The following CD1B variants were observed in gnomAD, a reference collection of about 807,000 sequenced individuals.
CD1B encodes T-cell surface glycoprotein CD1b.
A neutral mutation model predicts 39.8 loss-of-function variants in CD1B; 43 were observed. The ratio of observed to expected loss-of-function variants is 1.08; its 90% CI spans 0.85 to 1.39. CD1B has a LOEUF of 1.39. Ranked by LOEUF, CD1B falls within the 40% of genes most tolerant of loss-of-function variation. CD1B has a pLI of 0.00. For missense variants in CD1B, 495 were observed against 403.8 expected (o/e 1.23, Z -1.94); for synonymous variants, 192 against 152.5 (o/e 1.26, Z -1.91).
chr1:158,312,666 G>C, the CD1B span, among the ~76,000 whole-genome samples: 1 of 152,050 alleles, frequency 6.6e-6, no homozygotes, highest in Non-Finnish European at 1.5e-5. Flanking sequence ...TTTGATGTTG[G>C]TGAAGGAAAT....
At chr1:158,315,419 A>G in the CD1B span, among the ~76,000 whole-genome samples, 6 of 151,602 alleles carry the variant, frequency 4.0e-5, no homozygotes, top group Non-Finnish European at 7.4e-5. Flanking sequence ...GATGATGAGC[A>G]TTTTTTAATG....
chr1:158,315,540 G>T, the CD1B span, among the ~76,000 whole-genome samples: 1 of 151,680 alleles, frequency 6.6e-6, no homozygotes, highest in Non-Finnish European at 1.5e-5. Context: ...TGAGTTCATT[G>T]TAGATTCTCG....
the CD1B span, among the ~76,000 whole-genome samples, chr1:158,306,257 A>G: frequency 6.7e-6 from 1 of 148,492 alleles, no homozygotes; most frequent in Non-Finnish European, 1.5e-5. Context: ...AATGGAAAAC[A>G]AAAAAAGGCA....
chr1:158,318,061 C>A, the CD1B span, among the ~76,000 whole-genome samples: 1 of 152,122 alleles, frequency 6.6e-6, no homozygotes, highest in Non-Finnish European at 1.5e-5. Context: ...TTTACATTTG[C>A]TGAGGAGAGC....
chr1:158,331,146 G>A, intron 1 of CD1B, 84 bp from the exon 2 acceptor site: 1 of 1,391,922 alleles, frequency 7.2e-7, no homozygotes, highest in East Asian at 2.3e-5. Flanking sequence ...AAATGATTTA[G>A]AAAACAAGAA....
At chr1:158,290,545 C>G in the CD1B span, among the ~76,000 whole-genome samples, 1 of 152,116 alleles carries the variant, frequency 6.6e-6, no homozygotes, top group South Asian at 2.1e-4. Context: ...CAGCTAAAAT[C>G]CTAAGGGAAG....
chr1:158,306,130 T>C, the CD1B span, among the ~76,000 whole-genome samples: 17 of 152,168 alleles, frequency 1.1e-4, no homozygotes, highest in Middle Eastern at 3.4e-3. Flanking sequence ...AAAAGACACA[T>C]ACTGGCAAAT....
At chr1:158,319,871 C>T in the CD1B span, among the ~76,000 whole-genome samples, 1 of 152,124 alleles carries the variant, frequency 6.6e-6, no homozygotes, top group South Asian at 2.1e-4. Flanking sequence ...TGTTAGTTTT[C>T]CTTCTAACAG....
downstream of CD1B, among the ~76,000 whole-genome samples, chr1:158,324,194 G>A (rs1652275156): frequency 6.6e-6 from 1 of 152,194 alleles, no homozygotes; most frequent in South Asian, 2.1e-4. Flanking sequence ...AAATTGGAGT[G>A]TAGCCAAGCC....
the CD1B span, among the ~76,000 whole-genome samples, chr1:158,319,225 G>A: frequency 4.4e-4 from 66 of 151,270 alleles, no homozygotes; most frequent in Non-Finnish European, 7.1e-4. Context: ...TGCTAGATTG[G>A]GGAAGTTCTC....
the CD1B span, among the ~76,000 whole-genome samples, chr1:158,319,646 G>A: frequency 1.3e-5 from 2 of 152,300 alleles, no homozygotes; most frequent in East Asian, 3.9e-4. Flanking sequence ...ATCGTCTGAA[G>A]CCTTCTTCTC....
downstream of CD1B, among the ~76,000 whole-genome samples, chr1:158,326,786 A>AATTATTATTATTATTATTATTATT (rs374291885): frequency 6.7e-6 from 1 of 149,542 alleles, no homozygotes; most frequent in African/African-American, 2.5e-5. Context: ...GCACATATAA[A>AATTATTATTATTATTATTATTATT]ATTATTATTA....
At chr1:158,315,542 A>C in the CD1B span, among the ~76,000 whole-genome samples, 1,395 of 151,836 alleles carry the variant, frequency 9.2e-3, 8 homozygotes, top group Middle Eastern at 0.027. Context: ...AGTTCATTGT[A>C]GATTCTCGAT....
At position 158,331,469 on chromosome 1, in the gene CD1B, C is replaced by G. The variant is rs1191097822; in HGVS notation, c.-46G>C. 1 of 1,518,402 alleles carries G rather than the reference C, an allele frequency of 6.6e-7. No individual in the cohort carries two copies. The highest frequency in any genetic ancestry group is 9.1e-7 in the Non-Finnish European group (1 of 1,094,948). 94.1% of individuals were successfully genotyped at this position (1,518,402 alleles called of 1,614,324 possible). On this transcript the variant is annotated 5_prime_UTR_variant, in exon 1 of 6. Transcript: ENST00000368168. ...CTTACTGGCAGAGCTGGTATTTGAT[C>G]TCCAATTTCAGCAAAGCTTTTCCTC...
chr1:158,322,049 A>G, the CD1B span, among the ~76,000 whole-genome samples: 1 of 151,558 alleles, frequency 6.6e-6, no homozygotes, highest in African/African-American at 2.4e-5. Context: ...GTACACTCTA[A>G]CTCCTTTCTT....
At chr1:158,295,311 A>G in the CD1B span, among the ~76,000 whole-genome samples, 1 of 152,082 alleles carries the variant, frequency 6.6e-6, no homozygotes, top group African/African-American at 2.4e-5. Flanking sequence ...AACCCTACAC[A>G]GGGTTGCCAA....
chr1:158,313,176 C>T, the CD1B span, among the ~76,000 whole-genome samples: 1 of 152,146 alleles, frequency 6.6e-6, no homozygotes, highest in Non-Finnish European at 1.5e-5. Flanking sequence ...TTGAATCATC[C>T]TTGCATCCCT....
the CD1B span, among the ~76,000 whole-genome samples, chr1:158,301,975 C>A: frequency 6.6e-6 from 1 of 151,802 alleles, no homozygotes. Context: ...GCAGAATACA[C>A]CTGTCTTCTG....
the CD1B span, among the ~76,000 whole-genome samples, chr1:158,286,567 G>A: frequency 6.6e-6 from 1 of 152,230 alleles, no homozygotes; most frequent in African/African-American, 2.4e-5. Flanking sequence ...CATGGACATG[G>A]AGGGATATGG....
Sources: allele counts gnomAD v4.1 joint callset (sites outside exome capture counted in the v4.1 genomes callset), GRCh38; gene constraint gnomAD v4.1.1; transcripts MANE v1.5; gene names NCBI Gene and HGNC (gene_info 2026-07-23, HGNC 2026-07-21).